Variants in PLA2G4C observed in about 807,000 individuals in gnomAD.
PLA2G4C encodes the protein phospholipase A2 group IVC.
A neutral mutation model predicts 73.8 loss-of-function variants in PLA2G4C; 64 were observed. That is an observed-to-expected ratio of 0.87 (90% CI 0.71 to 1.07). The LOEUF is 1.07. PLA2G4C is among the 50% of genes least tolerant of loss of function. The pLI is 0.00. For missense variants in PLA2G4C, 622 were observed against 665.4 expected (o/e 0.93, Z 0.72); for synonymous variants, 254 against 252.1 (o/e 1.01, Z -0.07).
intron 9 of PLA2G4C, among the ~76,000 whole-genome samples, chr19:48,087,563 G>A (rs1478508144): frequency 6.6e-6 from 1 of 152,192 alleles, no homozygotes; most frequent in Non-Finnish European, 1.5e-5. Flanking sequence ...TGGATCACGA[G>A]TGTGTCTGAG....
rs1472541319 is a variant in PLA2G4C at position 48,072,272 on chromosome 19, C to T, written c.1006+2495G>A. 2 of 152,284 alleles carry T rather than the reference C, an allele frequency of 1.3e-5. No individual in the cohort carries two copies. The highest frequency in any genetic ancestry group is 2.9e-5 in the Non-Finnish European group (2 of 68,110). 9.4% of individuals were successfully genotyped at this position (152,284 alleles called of 1,614,324 possible). The stretch of plus-strand genomic sequence containing the variant: ...TCATAGCTCACTGCAGCCTCCAACT[C>T]CTGGGCTTAAGGAATCCTCCCACCT... On this transcript the variant is annotated intron_variant, in intron 12 of 16. Transcript: ENST00000599921. The surrounding 1 kb of genome is among the most constrained non-coding windows in gnomAD (Gnocchi z 4.4).
chr19:48,088,186 T>C (rs2031094342), intron 9 of PLA2G4C, among the ~76,000 whole-genome samples: 1 of 152,162 alleles, frequency 6.6e-6, no homozygotes, highest in Admixed American at 6.5e-5. Context: ...ATTCCAGCCC[T>C]GTAGGCAACA....
At chr19:48,074,043 C>T (rs1299877949) in intron 12 of PLA2G4C, among the ~76,000 whole-genome samples, 3 of 151,442 alleles carry the variant, frequency 2.0e-5, no homozygotes, top group African/African-American at 7.3e-5. Flanking sequence ...CACAGGTAAA[C>T]ATGTGCCATG....
rs751794781 is a variant in PLA2G4C, at chr19:48,067,806, A to G, written c.1087T>C (p.Phe363Leu). Reference sequence around the variant, plus strand: ...GTCTTCTCACCGTGTTTGTACAGGAAGTTGTGAGTGGTCCCCCATTCCCAC... The same window carrying G: ...GTCTTCTCACCGTGTTTGTACAGGAGGTTGTGAGTGGTCCCCCATTCCCAC... ...SKWEWGTTHN[F>L]LYKHGGIRDK... The change falls in exon 13 of 17, where the codon TTC becomes CTC. Residue 363 changes from phenylalanine (F) to leucine (L), a missense_variant. Transcript: ENST00000599921. The G allele has an allele frequency of 5.0e-6, 8 of 1,609,614 alleles. No homozygotes were observed. In the Admixed American group the frequency reaches 1.3e-4, roughly 27 times the overall value.
At chr19:48,106,495 A>G in intron 2 of PLA2G4C, 27 bp downstream of exon 2, 1 of 1,566,352 alleles carries the variant, frequency 6.4e-7, no homozygotes. Flanking sequence ...CTGCTTCCCC[A>G]TAGTGGTCAG....
At chr19:48,073,289 A>T (rs1454755063) in intron 12 of PLA2G4C, among the ~76,000 whole-genome samples, 1 of 151,998 alleles carries the variant, frequency 6.6e-6, no homozygotes, top group Non-Finnish European at 1.5e-5. Context: ...GGCTCAAGTG[A>T]TCTTCCTGCC....
intron 16 of PLA2G4C, 87 bp from the exon 17 acceptor site, chr19:48,048,475 T>G (rs1967603883): frequency 2.5e-6 from 2 of 794,308 alleles, no homozygotes; most frequent in Non-Finnish European, 2.0e-6. Flanking sequence ...TGGAAGCCTC[T>G]ACAGGTCATA....
chr19:48,088,954 G>T (rs1163931555), intron 8 of PLA2G4C, among the ~76,000 whole-genome samples: 1 of 152,184 alleles, frequency 6.6e-6, no homozygotes, highest in African/African-American at 2.4e-5. Flanking sequence ...ACAGGAATTG[G>T]CAAACACTAC....
chr19:48,090,201 G>A, intron 8 of PLA2G4C, 163 bp downstream of exon 8: 5 of 632,254 alleles, frequency 7.9e-6, no homozygotes, highest in East Asian at 2.7e-5. Flanking sequence ...TCCACTCTGT[G>A]GTCATCCTGG....
chr19:48,057,491 T>C (rs1255431998), intron 14 of PLA2G4C, among the ~76,000 whole-genome samples: 5 of 69,896 alleles, frequency 7.2e-5, no homozygotes, highest in African/African-American at 3.1e-4. Context: ...TTCTTTTTTT[T>C]TTTTTTTTTT....
chr19:48,083,739 G>A lies in PLA2G4C; in HGVS notation c.844+1320C>T, dbSNP rs914388244. Among the ~76,000 whole-genome samples the A allele has an allele frequency of 5.9e-4, 89 of 151,976 alleles. 2 individuals are homozygous for A. The highest frequency in any genetic ancestry group is 3.9e-4 in the East Asian group (2 of 5,174). On this transcript the variant is annotated intron_variant, in intron 10 of 16. Transcript: ENST00000599921. ...TGAGATTACAGGTGTGAGCCACTGC[G>A]CCCGGCCCCTCATTTCTTTATTTTT...
At chr19:48,105,536 G>T in intron 2 of PLA2G4C, 92 bp from the exon 3 acceptor site, 2 of 902,734 alleles carry the variant, frequency 2.2e-6, no homozygotes, top group Non-Finnish European at 3.5e-6. Context: ...TGTCCAAGCA[G>T]GTAGCCACCA....
chr19:48,058,213 C>T (rs938226931), intron 14 of PLA2G4C, among the ~76,000 whole-genome samples: 1 of 151,836 alleles, frequency 6.6e-6, no homozygotes, highest in Non-Finnish European at 1.5e-5. Flanking sequence ...GCAGGAGAAT[C>T]GCTTGAACCT....
At chr19:48,091,678 C>T (rs978812921) in intron 7 of PLA2G4C, among the ~76,000 whole-genome samples, 1 of 151,918 alleles carries the variant, frequency 6.6e-6, no homozygotes, top group African/African-American at 2.4e-5. Flanking sequence ...CAATTGAAGT[C>T]AGGAGTTTAA....
chr19:48,105,266 C>T, intron 3 of PLA2G4C, 67 bp downstream of exon 3: 1 of 1,034,008 alleles, frequency 9.7e-7, no homozygotes, highest in Non-Finnish European at 1.5e-6. Flanking sequence ...CTGAGTTGGG[C>T]CCTGGACACT....
intron 7 of PLA2G4C, among the ~76,000 whole-genome samples, chr19:48,093,651 G>C (rs2031423211): frequency 6.6e-6 from 1 of 152,162 alleles, no homozygotes; most frequent in Admixed American, 6.6e-5. Context: ...TCATTCAGGA[G>C]GCTCCAGCCT....
chr19:48,106,799 G>T, intron 1 of PLA2G4C: 1 of 547,192 alleles, frequency 1.8e-6, no homozygotes. Context: ...TGGAGGCTAG[G>T]GTTTTTCCTC....
At chr19:48,109,902 T>G (rs2032406356) in intron 1 of PLA2G4C, among the ~76,000 whole-genome samples, 3 of 151,750 alleles carry the variant, frequency 2.0e-5, no homozygotes, top group African/African-American at 4.8e-5. Flanking sequence ...GCCCGCCTCG[T>G]CTTCCCAAAG....
rs187596241 is a variant in PLA2G4C at position 48,104,486 on chromosome 19, G to A, written c.257+102C>T. The A allele has an allele frequency of 1.4e-4, 155 of 1,146,626 alleles. No homozygotes were observed. The Admixed American group carries it at 2.4e-3, about 18-fold the overall frequency. The allele number at this position is 1,146,626 out of a possible 1,614,324, so 71.0% of individuals were successfully genotyped here. On this transcript the variant is annotated intron_variant, in intron 4 of 16. Coordinates refer to ENST00000599921, the MANE Select transcript of PLA2G4C (RefSeq NM_003706.3). ...ACACCCAGCTAGTACCAGAGAGCTC[G>A]AGAAGCAGCGTTGGAAAAAACCACA...
Sources: gnomAD v4.1 joint callset for allele counts (sites outside exome capture counted in the v4.1 genomes callset) on GRCh38, gnomAD v4.1.1 for gene constraint, Gnocchi (gnomAD v3.1) non-coding constraint, MANE v1.5 for transcripts, NCBI Gene and HGNC (gene_info 2026-07-23, HGNC 2026-07-21) for gene names.